CARMIL1: variants seen among roughly 807,000 people sequenced by gnomAD.
CARMIL1 encodes the protein capping protein regulator and myosin 1 linker 1, also known as F-actin-uncapping protein LRRC16A.
In CARMIL1, 90 loss-of-function variants were observed where a neutral mutation model predicts 177.1. That is an observed-to-expected ratio of 0.51 (90% confidence interval 0.43 to 0.61). CARMIL1 has a LOEUF of 0.61. CARMIL1 is among the 20% of genes least tolerant of loss of function. CARMIL1 has a pLI of 0.00. For missense variants in CARMIL1, 1,380 were observed against 1,667.0 expected, an observed-to-expected ratio of 0.83 and a Z score of 3.00; for synonymous variants, 577 against 606.2, an observed-to-expected ratio of 0.95 and a Z score of 0.71.
intron 21 of CARMIL1, 85 bp from the exon 22 acceptor site, chr6:25,517,262 C>T (rs567222507): frequency 1.3e-4 from 127 of 948,128 alleles, no homozygotes; most frequent in Non-Finnish European, 2.0e-4. Context: ...TATCTACACA[C>T]TGCTGTCTAT....
At chr6:25,281,438 A>G (rs1781111374) in intron 1 of CARMIL1, among the ~76,000 whole-genome samples, 1 of 152,120 alleles carries the variant, frequency 6.6e-6, no homozygotes, top group Non-Finnish European at 1.5e-5. Flanking sequence ...AAGTCTGGAA[A>G]TGGAAAGTGT....
At chr6:25,446,351 T>C (rs1798234903) in intron 5 of CARMIL1, among the ~76,000 whole-genome samples, 2 of 152,258 alleles carry the variant, frequency 1.3e-5, no homozygotes, top group African/African-American at 4.8e-5. Flanking sequence ...ATCTTAACTA[T>C]ATCTTCTGGA....
intron 8 of CARMIL1, chr6:25,452,140 G>A (rs749047595): frequency 6.5e-6 from 5 of 764,876 alleles, no homozygotes; most frequent in East Asian, 2.4e-5. Context: ...TCTTTGCACA[G>A]CCTGGGACTA....
At chr6:25,440,049 C>G (rs978540423) in intron 5 of CARMIL1, among the ~76,000 whole-genome samples, 10 of 152,076 alleles carry the variant, frequency 6.6e-5, no homozygotes, top group Non-Finnish European at 1.2e-4. Flanking sequence ...ATCTTAAATC[C>G]CTAGTTCTTG....
intron 5 of CARMIL1, among the ~76,000 whole-genome samples, chr6:25,449,201 G>A (rs527342358): frequency 6.6e-6 from 1 of 152,278 alleles, no homozygotes; most frequent in African/African-American, 2.4e-5. Flanking sequence ...CTAATAACTT[G>A]ATAGGTACTA....
At chr6:25,313,794 A>G (rs1401289189) in intron 2 of CARMIL1, among the ~76,000 whole-genome samples, 12 of 151,538 alleles carry the variant, frequency 7.9e-5, no homozygotes, top group East Asian at 2.0e-4. Context: ...AGGTTGGCCT[A>G]TAACATTCCC....
At chr6:25,572,071 G>C (rs944187112) in intron 29 of CARMIL1, among the ~76,000 whole-genome samples, 1 of 152,170 alleles carries the variant, frequency 6.6e-6, no homozygotes, top group Non-Finnish European at 1.5e-5. Context: ...AATTATCTTA[G>C]ATGTTGATAA....
At chr6:25,357,527 T>A (rs1320153343) in intron 2 of CARMIL1, among the ~76,000 whole-genome samples, 1 of 152,186 alleles carries the variant, frequency 6.6e-6, no homozygotes, top group Non-Finnish European at 1.5e-5. Context: ...GAGGTTGCAG[T>A]GAACCAAGAT....
At chr6:25,598,345 A>G (rs1391511579) in intron 32 of CARMIL1, among the ~76,000 whole-genome samples, 1 of 151,654 alleles carries the variant, frequency 6.6e-6, no homozygotes, top group Non-Finnish European at 1.5e-5. Context: ...CTCAGGTGAT[A>G]CTCCTACCTC....
chr6:25,476,884 AT>A (rs1273179126), intron 11 of CARMIL1, among the ~76,000 whole-genome samples: 3 of 151,940 alleles, frequency 2.0e-5, no homozygotes, highest in Non-Finnish European at 4.4e-5. Flanking sequence ...AGGTCAGGAG[AT>A]TGAGACCATC....
intron 2 of CARMIL1, among the ~76,000 whole-genome samples, chr6:25,346,727 A>G (rs2690098): frequency 0.15 from 22,083 of 152,090 alleles, 1,738 homozygotes; most frequent in Admixed American, 0.15. Context: ...AAAAATAACT[A>G]TTTCTGGCTC....
At chr6:25,457,076 A>G (rs144926978) in intron 8 of CARMIL1, among the ~76,000 whole-genome samples, 2 of 150,776 alleles carry the variant, frequency 1.3e-5, no homozygotes, top group African/African-American at 4.9e-5. Context: ...TTCTGTTTTC[A>G]TTCCTGAATT....
chr6:25,377,782 G>T (rs1271960380), intron 2 of CARMIL1, among the ~76,000 whole-genome samples: 1 of 152,172 alleles, frequency 6.6e-6, no homozygotes, highest in African/African-American at 2.4e-5. Context: ...CTTCCTGCAT[G>T]TTGTCTTCTT....
chr6:25,330,888 GTTTTTTT>G (rs67633087), intron 2 of CARMIL1, among the ~76,000 whole-genome samples: 6,971 of 118,292 alleles, frequency 0.059, 249 homozygotes, highest in Middle Eastern at 0.19. Context: ...TTTTCAAGAG[GTTTTTTT>G]TTTTTTTTTT....
chr6:25,390,087 G>A (rs1426470672), intron 2 of CARMIL1, among the ~76,000 whole-genome samples: 2 of 151,910 alleles, frequency 1.3e-5, no homozygotes, highest in Non-Finnish European at 2.9e-5. Context: ...GAAATTAGTT[G>A]TGATTAGGCA....
chr6:25,437,221 A>G (rs1797312117), intron 5 of CARMIL1, among the ~76,000 whole-genome samples: 1 of 152,216 alleles, frequency 6.6e-6, no homozygotes, highest in Non-Finnish European at 1.5e-5. Flanking sequence ...TGAAATAAAA[A>G]AATTATTAAG....
intron 2 of CARMIL1, among the ~76,000 whole-genome samples, chr6:25,387,365 T>C (rs1363066590): frequency 1.3e-5 from 2 of 152,286 alleles, no homozygotes; most frequent in East Asian, 3.9e-4. Context: ...CTGAAGAGCA[T>C]ATGCAGAGAT....
chr6:25,387,114 CAAAAA>C (rs377548646), intron 2 of CARMIL1, among the ~76,000 whole-genome samples: 5 of 101,962 alleles, frequency 4.9e-5, no homozygotes, highest in Admixed American at 3.4e-4. Context: ...ACTCTGTCTC[CAAAAA>C]AAAAAAAAAA....
At chr6:25,473,768 G>C (rs372310272) in intron 11 of CARMIL1, among the ~76,000 whole-genome samples, 4 of 152,234 alleles carry the variant, frequency 2.6e-5, no homozygotes, top group African/African-American at 7.2e-5. Flanking sequence ...ACACCCGGGG[G>C]TGAGAATCTT....
Sources: allele counts gnomAD v4.1 joint callset (sites outside exome capture counted in the v4.1 genomes callset), GRCh38; gene constraint gnomAD v4.1.1; transcripts MANE v1.5; gene names NCBI Gene and HGNC (gene_info 2026-07-23, HGNC 2026-07-21).